RPA3: variants seen among roughly 807,000 people sequenced by gnomAD.
RPA3 encodes replication protein A3.
A neutral mutation model predicts 13.7 loss-of-function variants in RPA3; 24 were observed. The observed-to-expected ratio is 1.75, with a 90% confidence interval of 1.27 to 2.46. The LOEUF is 2.46. Among genes scored for constraint, RPA3 ranks in the 30% most tolerant of loss-of-function variants. The pLI, the probability that RPA3 is intolerant of heterozygous loss-of-function variation, is 0.00. For synonymous variants in RPA3, 59 were observed against 51.2 expected (o/e 1.15, Z -0.65); for missense variants, 183 against 151.0 (o/e 1.21, Z -1.11).
At chr7:7,653,771 G>A (rs1785280273) in intron 4 of RPA3, among the ~76,000 whole-genome samples, 1 of 152,204 alleles carries the variant, frequency 6.6e-6, no homozygotes, top group South Asian at 2.1e-4. Flanking sequence ...TCTCCACCAG[G>A]GGCGGTTTTG....
intron 2 of RPA3, among the ~76,000 whole-genome samples, chr7:7,707,295 A>G (rs1220622344): frequency 6.6e-6 from 1 of 152,184 alleles, no homozygotes; most frequent in African/African-American, 2.4e-5. Flanking sequence ...AAGTTACTGT[A>G]ACTCAGAAGA....
chr7:7,650,152 G>A (rs73048006), intron 4 of RPA3, among the ~76,000 whole-genome samples: 3 of 152,264 alleles, frequency 2.0e-5, no homozygotes, highest in Non-Finnish European at 4.4e-5. Flanking sequence ...CAATTTTTAT[G>A]CTGTTGTCTA....
intron 2 of RPA3, among the ~76,000 whole-genome samples, chr7:7,702,300 A>G (rs1448550224): frequency 6.6e-6 from 1 of 152,210 alleles, no homozygotes; most frequent in East Asian, 1.9e-4. Flanking sequence ...TTCAGGGACT[A>G]GAGTTCCTAT....
At chr7:7,665,478 C>T (rs942091493) in intron 4 of RPA3, among the ~76,000 whole-genome samples, 2 of 152,166 alleles carry the variant, frequency 1.3e-5, no homozygotes, top group African/African-American at 4.8e-5. Context: ...TAATTGTGAA[C>T]TAAAACTTAC....
At chr7:7,654,158 A>G (rs548233095) in intron 4 of RPA3, among the ~76,000 whole-genome samples, 2 of 152,328 alleles carry the variant, frequency 1.3e-5, no homozygotes, top group South Asian at 4.1e-4. Context: ...GAAAACAAAC[A>G]CAGATCCTTA....
In RPA3 at chr7:7,640,467, A is replaced by C. The variant is rs898628749; in HGVS notation, c.-49T>G. ...GGCGGGAAACCCACGGACGACTGAAACTGTGCGCCCCGCGGGTGTCTATGG... is the reference window on the plus strand; with the variant it reads ...GGCGGGAAACCCACGGACGACTGAACCTGTGCGCCCCGCGGGTGTCTATGG... On this transcript the variant is annotated 5_prime_UTR_variant, in exon 5 of 8. Transcript: ENST00000223129. The C allele has an allele frequency of 1.9e-6, 3 of 1,564,626 alleles. No homozygotes were observed. The highest frequency in any genetic ancestry group is 2.6e-6 in the Non-Finnish European group (3 of 1,138,784).
chr7:7,697,312 C>G (rs763588951), intron 2 of RPA3, among the ~76,000 whole-genome samples: 4 of 152,102 alleles, frequency 2.6e-5, no homozygotes, highest in Non-Finnish European at 4.4e-5. Flanking sequence ...GTGTTTATTG[C>G]TTTAATATCA....
At chr7:7,674,266 ATAC>A (rs775938866) in intron 4 of RPA3, among the ~76,000 whole-genome samples, 1 of 152,196 alleles carries the variant, frequency 6.6e-6, no homozygotes, top group Non-Finnish European at 1.5e-5. Flanking sequence ...CCTTTTCCAG[ATAC>A]TGGTTTCCTA....
At chr7:7,695,002 C>G (rs1780274332) in intron 2 of RPA3, among the ~76,000 whole-genome samples, 1 of 152,164 alleles carries the variant, frequency 6.6e-6, no homozygotes, top group Admixed American at 6.5e-5. Flanking sequence ...ACATTCCCAC[C>G]AACAGTGTTT....
At chr7:7,640,183 A>C (rs921239447) in intron 5 of RPA3, 137 bp downstream of exon 5, 2 of 920,948 alleles carry the variant, frequency 2.2e-6, no homozygotes, top group Non-Finnish European at 3.4e-6. Flanking sequence ...GAATTTCCAA[A>C]AAGTTCCTTG....
intron 2 of RPA3, chr7:7,689,430 T>A (rs1344438464): frequency 6.6e-6 from 1 of 152,170 alleles, no homozygotes; most frequent in African/African-American, 2.4e-5. Flanking sequence ...TATTCACTAA[T>A]TTGGGAGCTG....
At chr7:7,705,564 C>G (rs928508294) in intron 2 of RPA3, among the ~76,000 whole-genome samples, 4 of 151,986 alleles carry the variant, frequency 2.6e-5, no homozygotes, top group African/African-American at 9.7e-5. Flanking sequence ...CTTGTGTAAT[C>G]CATTGTTTTC....
At chr7:7,688,958 ATACT>A (rs1338182767) in intron 2 of RPA3, among the ~76,000 whole-genome samples, 1 of 152,208 alleles carries the variant, frequency 6.6e-6, no homozygotes, top group East Asian at 1.9e-4. Context: ...GATTTAAATT[ATACT>A]TACTTTATTT....
chr7:7,714,468 G>A (rs532626527), intron 2 of RPA3, among the ~76,000 whole-genome samples: 15 of 152,326 alleles, frequency 9.8e-5, no homozygotes, highest in Admixed American at 4.6e-4. Flanking sequence ...TTATAGCTAC[G>A]AAACTTTGTT....
intron 2 of RPA3, among the ~76,000 whole-genome samples, chr7:7,693,465 G>A (rs1780229904): frequency 6.6e-6 from 1 of 152,142 alleles, no homozygotes; most frequent in African/African-American, 2.4e-5. Flanking sequence ...GGGGGAAGAA[G>A]TTAACCAAAT....
chr7:7,651,866 C>A (rs1477151175), intron 4 of RPA3, among the ~76,000 whole-genome samples: 1 of 152,200 alleles, frequency 6.6e-6, no homozygotes, highest in Non-Finnish European at 1.5e-5. Flanking sequence ...TTCTTTCTTT[C>A]TTCTGCTCAG....
chr7:7,697,061 G>A (rs767217909), intron 2 of RPA3, among the ~76,000 whole-genome samples: 1 of 151,972 alleles, frequency 6.6e-6, no homozygotes, highest in Non-Finnish European at 1.5e-5. Context: ...CAGCAGGAAC[G>A]GTCTTGTGGT....
intron 5 of RPA3, 197 bp downstream of exon 5, chr7:7,640,123 T>G: frequency 1.6e-6 from 1 of 606,072 alleles, no homozygotes; most frequent in South Asian, 1.9e-5. Context: ...TTGAAAACAC[T>G]TTGTTTCCGT....
intron 4 of RPA3, among the ~76,000 whole-genome samples, chr7:7,683,600 T>C (rs1469407350): frequency 6.6e-6 from 1 of 152,070 alleles, no homozygotes; most frequent in Non-Finnish European, 1.5e-5. Context: ...TACATGATCC[T>C]ATGAAATGAA....
Sources: gnomAD v4.1 joint callset for allele counts (sites outside exome capture counted in the v4.1 genomes callset) on GRCh38, gnomAD v4.1.1 for gene constraint, MANE v1.5 for transcripts, NCBI Gene and HGNC (gene_info 2026-07-23, HGNC 2026-07-21) for gene names.